Variants in DDHD2 observed in about 807,000 individuals in gnomAD.
DDHD2 encodes the protein DDHD domain containing 2, also known as triacylglycerol hydrolase DDHD2.
Under a neutral mutation model 91.2 loss-of-function variants are expected in DDHD2, and 62 were observed. The ratio of observed to expected loss-of-function variants is 0.68; its 90% CI spans 0.55 to 0.84. DDHD2 has a LOEUF of 0.84. Among genes scored for constraint, DDHD2 ranks in the 40% least tolerant of loss-of-function variants. The pLI is 0.00. For missense variants in DDHD2, 740 were observed against 846.9 expected, an observed-to-expected ratio of 0.87 and a Z score of 1.57; for synonymous variants, 271 against 293.9, an observed-to-expected ratio of 0.92 and a Z score of 0.80.
At chr8:38,252,362 G>A in intron 13 of DDHD2, 75 bp downstream of exon 13, 1 of 1,501,896 alleles carries the variant, frequency 6.7e-7, no homozygotes, top group Non-Finnish European at 8.9e-7. Flanking sequence ...ATTTTCTGTT[G>A]TGTTGATTTT....
intron 2 of DDHD2, among the ~76,000 whole-genome samples, chr8:38,233,847 C>G (rs572093882): frequency 6.0e-5 from 9 of 150,918 alleles, no homozygotes; most frequent in Non-Finnish European, 1.5e-5. Context: ...GAGAATTGCT[C>G]AAACCCGGGA....
At position 38,245,957 on chromosome 8, in the gene DDHD2, A is replaced by G; in HGVS notation, c.1057+7A>G. The G allele has an allele frequency of 6.2e-7, 1 of 1,610,230 alleles. No homozygotes were observed. The highest frequency in any genetic ancestry group is 8.5e-7 in the Non-Finnish European group (1 of 1,177,974). On this transcript the variant is annotated splice_region_variant and intron_variant, in intron 8 of 17. Transcript: ENST00000397166. ...ATTGCTGGTCATAGTTTAGGTAACA[A>G]AATGAGTTCTGTGTGACCAGAGAAG...
chr8:38,270,984 G>A (rs1400863390), intron 1 of DDHD2: 1 of 152,160 alleles, frequency 6.6e-6, no homozygotes, highest in Non-Finnish European at 1.5e-5. Context: ...TAACGTAAGT[G>A]CAATTTTTTG....
chr8:38,240,397 T>G lies in DDHD2; in HGVS notation c.712+33T>G, dbSNP rs370589570. The G allele has an allele frequency of 2.7e-6, 4 of 1,455,604 alleles. No homozygotes were observed. In the African/African-American group the frequency reaches 5.5e-5, roughly 20 times the overall value. 90.2% of individuals were successfully genotyped at this position (1,455,604 alleles called of 1,614,324 possible). On this transcript the variant is annotated intron_variant, in intron 6 of 17. Transcript: ENST00000397166. ...TGCAAAGCATGTGAGAGAATATTAATCAGTGCTCTTGTGAGCTGAGATAAA... is the reference window on the plus strand; with the variant it reads ...TGCAAAGCATGTGAGAGAATATTAAGCAGTGCTCTTGTGAGCTGAGATAAA...
At chr8:38,250,887 A>T (rs1461978830) in intron 11 of DDHD2, 1 of 151,852 alleles carries the variant, frequency 6.6e-6, no homozygotes, top group African/African-American at 2.4e-5. Context: ...GTTTCTACAG[A>T]TTTGCTTATT....
intron 1 of DDHD2, chr8:38,268,864 C>T (rs771770562): frequency 1.7e-5 from 26 of 1,539,558 alleles, no homozygotes; most frequent in Non-Finnish European, 2.0e-5. Flanking sequence ...GGAGGAAAGA[C>T]GATCTTTCTC....
chr8:38,267,752 G>C, downstream of DDHD2: 1 of 846,576 alleles, frequency 1.2e-6, no homozygotes, highest in Non-Finnish European at 1.9e-6. Flanking sequence ...GGGGAAGGGA[G>C]TAAGCGTTGA....
chr8:38,268,282 C>A, intron 1 of DDHD2: 2 of 1,237,004 alleles, frequency 1.6e-6, no homozygotes, highest in Middle Eastern at 2.4e-4. Context: ...AACTCAGTGG[C>A]CTCCACACAG....
downstream of DDHD2, chr8:38,272,063 A>C (rs1808495206): frequency 6.6e-6 from 1 of 152,238 alleles, no homozygotes; most frequent in South Asian, 2.1e-4. Flanking sequence ...TGAACCAGGA[A>C]AGTTGTCCAA....
Position 38,255,292 on chromosome 8 carries a change from T to G in DDHD2, c.2054+1574T>G, listed in dbSNP as rs1377673847. 5 of 464,952 alleles carry G rather than the reference T, an allele frequency of 1.1e-5. No homozygotes were observed. In the East Asian group the frequency reaches 3.3e-4, roughly 30 times the overall value. The allele number at this position is 464,952 out of a possible 1,614,324, so 28.8% of individuals were successfully genotyped here. A position where few individuals can be genotyped will look rare whatever the true frequency, so the allele number is the denominator to read the frequency against. ...ATCATCTGATGCAATCACTATCGTTTGTATATAATATATACAGTAGAGGCC... is the reference window on the plus strand; with the variant it reads ...ATCATCTGATGCAATCACTATCGTTGGTATATAATATATACAGTAGAGGCC... On this transcript the variant is annotated intron_variant, in intron 16 of 17. Transcript: ENST00000397166.
chr8:38,240,324 A>C lies in DDHD2; in HGVS notation c.672A>C (p.Gly224=). 1 of 1,610,980 alleles carries C rather than the reference A, an allele frequency of 6.2e-7. No homozygotes were observed. Among genetic ancestry groups the C allele is most frequent in the South Asian group, 1.1e-5 (1 of 90,766 alleles). ...DHLVFVVHGI[G]PACDLRFRSI... ...TGGTTTTTGTAGTCCATGGGATTGG[A>C]CCAGCTTGTGATCTCCGCTTTCGAA... Residue 224 remains glycine, a synonymous_variant, in exon 6 of 18, where the codon GGA becomes GGC. Transcript: ENST00000397166.
chr8:38,253,177 T>A (rs755621545), intron 15 of DDHD2, 50 bp downstream of exon 15: 16 of 1,500,408 alleles, frequency 1.1e-5, no homozygotes, highest in African/African-American at 1.4e-5. Flanking sequence ...AGGGATGCCA[T>A]GGTGTGGCGT....
In DDHD2 at chr8:38,237,530, C is replaced by G. The variant is rs375616631; in HGVS notation, c.412-8C>G. 8.5e-6 allele frequency: 13 copies of G among 1,520,718 alleles called. No homozygotes were observed. The African/African-American group carries it at 1.8e-4, about 21-fold the overall frequency. 94.2% of individuals were successfully genotyped at this position (1,520,718 alleles called of 1,614,324 possible). On this transcript the variant is annotated splice_region_variant and splice_polypyrimidine_tract_variant and intron_variant, in intron 3 of 17. Transcript: ENST00000397166. Reference sequence around the variant, plus strand: ...AGAGAACTCTAATGAAATGTGTTTTCTTTTAAGGAAACTTACATGCTTGCT... The same window carrying G: ...AGAGAACTCTAATGAAATGTGTTTTGTTTTAAGGAAACTTACATGCTTGCT...
In DDHD2 at chr8:38,252,034, T is replaced by C. The variant is rs774587655; in HGVS notation, c.1461+6T>C. ...TGGATGTTGGCATTGGGCAGGTAAC[T>C]AATTCTCTTTGATCATTTTACAGCC... On this transcript the variant is annotated splice_donor_region_variant and intron_variant, in intron 12 of 17. Transcript: ENST00000397166. The C allele has an allele frequency of 2.7e-5, 43 of 1,612,354 alleles. No homozygotes were observed. Among genetic ancestry groups the C allele is most frequent in the Non-Finnish European group, 3.5e-5 (41 of 1,178,434 alleles).
intron 1 of DDHD2, 53 bp from the exon 2 acceptor site, chr8:38,232,934 C>T (rs1466197012): frequency 3.1e-6 from 4 of 1,306,662 alleles, no homozygotes; most frequent in East Asian, 2.4e-5. Flanking sequence ...TGTGTGTGTG[C>T]GAACAGTTAC....
intron 1 of DDHD2, chr8:38,232,236 C>G (rs1804324273): frequency 1.3e-5 from 2 of 153,052 alleles, no homozygotes; most frequent in South Asian, 4.1e-4. Flanking sequence ...GCCCCCCGCC[C>G]TACGAGGCAG....
intron 3 of DDHD2, among the ~76,000 whole-genome samples, chr8:38,235,873 G>GCACACACGCA (rs1554511691): frequency 1.1e-4 from 16 of 147,680 alleles, no homozygotes; most frequent in African/African-American, 3.5e-4. Flanking sequence ...AAGTACACGC[G>GCACACACGCA]CACACACACA....
intron 1 of DDHD2, chr8:38,271,118 G>A (rs1381508786): frequency 6.6e-6 from 1 of 152,186 alleles, no homozygotes; most frequent in Non-Finnish European, 1.5e-5. Context: ...GGTATCTCAT[G>A]CAGGAGTCTC....
Position 38,252,265 on chromosome 8 carries a change from G to T in DDHD2, c.1595G>T (p.Gly532Val). Residue 532 changes from glycine (G) to valine (V), a missense_variant, in exon 13 of 18, where the codon GGT (glycine) becomes GTT (valine). Gly to Val is a moderately radical substitution (Grantham distance 109). Around this residue, in one of 2 missense-constraint regions of DDHD2, gnomAD observed 693 missense variants for 764.2 expected, o/e 0.91. Coordinates refer to ENST00000397166, the MANE Select transcript of DDHD2 (RefSeq NM_015214.3). The stretch of plus-strand genomic sequence containing the variant: ...AACTACAGATTTCCAACGTGCAAAG[G>T]TTTCTTCAATATTTATCACCCTGTA... ...DPNYRFPTCKGFFNIYHPFDP... is the reference protein window; with the variant it reads ...DPNYRFPTCKVFFNIYHPFDP... 6.2e-7 allele frequency: 1 copy of T among 1,613,590 alleles called. No homozygotes were observed. The highest frequency in any genetic ancestry group is 1.1e-5 in the South Asian group (1 of 90,936).
Sources: gnomAD v4.1 joint callset for allele counts (sites outside exome capture counted in the v4.1 genomes callset) on GRCh38, gnomAD v4.1.1 for gene constraint, gnomAD v4.1.1 regional missense constraint, MANE v1.5 for transcripts, NCBI Gene and HGNC (gene_info 2026-07-23, HGNC 2026-07-21) for gene names.